DYRK1A: variants seen among roughly 807,000 people sequenced by gnomAD.
The protein encoded by DYRK1A is dual specificity tyrosine phosphorylation regulated kinase 1A.
Under a neutral mutation model 79.7 loss-of-function variants are expected in DYRK1A, and 9 were observed. The observed-to-expected ratio is 0.11, with a 90% CI of 0.07 to 0.20. The LOEUF is 0.20. Ranked by LOEUF, DYRK1A falls within the 10% of genes least tolerant of loss-of-function variation. DYRK1A has a pLI of 1.00. For synonymous variants in DYRK1A, 349 were observed against 329.7 expected, an observed-to-expected ratio of 1.06 and a Z score of -0.63; for missense variants, 622 against 956.0, an observed-to-expected ratio of 0.65 and a Z score of 4.61.
At chr21:37,443,428 G>A (rs2051169365) in intron 2 of DYRK1A, among the ~76,000 whole-genome samples, 1 of 152,104 alleles carries the variant, frequency 6.6e-6, no homozygotes. Context: ...TGCGTACCTG[G>A]ACATTTTTTA....
At position 37,498,561 on chromosome 21, in the gene DYRK1A, T is replaced by C. The variant is rs1037721774; in HGVS notation, c.1212+2303T>C. 3.3e-5 allele frequency among the ~76,000 whole-genome samples: 5 copies of C among 152,224 alleles called. No individual in the cohort carries two copies. In the East Asian group the frequency reaches 9.6e-4, roughly 29 times the overall value. Reference sequence around the variant, plus strand: ...TTTTTTATTGCTTCAACATATTTCATTGAATGAACATGCCATAATTTATAT... The same window carrying C: ...TTTTTTATTGCTTCAACATATTTCACTGAATGAACATGCCATAATTTATAT... On this transcript the variant is annotated intron_variant, in intron 9 of 11. Coordinates refer to ENST00000647188, the MANE Select transcript of DYRK1A (RefSeq NM_001347721.2).
chr21:37,426,792 C>T (rs1256905372), intron 2 of DYRK1A, among the ~76,000 whole-genome samples: 2 of 148,566 alleles, frequency 1.3e-5, no homozygotes, highest in Non-Finnish European at 3.0e-5. Context: ...TGGTGGCGGG[C>T]ACCTTTAGTC....
chr21:37,378,242 T>C (rs2049587433), intron 1 of DYRK1A, among the ~76,000 whole-genome samples: 1 of 152,218 alleles, frequency 6.6e-6, no homozygotes, highest in Non-Finnish European at 1.5e-5. Context: ...AGTTAAAGTA[T>C]TTCCTGGGGG....
Position 37,480,763 on chromosome 21 carries a change from C to T in DYRK1A, c.426C>T (p.Asn142=), listed in dbSNP as rs374444950. 29 of 1,611,314 alleles carry T rather than the reference C, an allele frequency of 1.8e-5. No homozygotes were observed. The highest frequency in any genetic ancestry group is 5.3e-5 in the African/African-American group (4 of 74,772). The change falls in exon 5 of 12, where the codon AAC becomes AAT. Residue 142 remains asparagine, a synonymous_variant. Coordinates refer to ENST00000647188, the MANE Select transcript of DYRK1A (RefSeq NM_001347721.2). ...ATAACTATGATTATATTGTAAAAAA[C>T]GGAGAAAAGTGGATGGATCGTTACG... The part of the protein sequence containing the change: ...DDDNYDYIVK[N]GEKWMDRYEI...
chr21:37,447,891 A>C (rs550236826), intron 2 of DYRK1A, among the ~76,000 whole-genome samples: 2 of 151,818 alleles, frequency 1.3e-5, no homozygotes, highest in Non-Finnish European at 3.0e-5. Flanking sequence ...AGTAAATGTG[A>C]ATTGTGGCGA....
chr21:37,389,425 C>A (rs112000785), intron 1 of DYRK1A, among the ~76,000 whole-genome samples: 2 of 152,278 alleles, frequency 1.3e-5, no homozygotes, highest in African/African-American at 4.8e-5. Context: ...CTTGGCCTCT[C>A]AAAGTGCTTG....
At chr21:37,393,330 T>C (rs948581523) in intron 1 of DYRK1A, among the ~76,000 whole-genome samples, 1 of 152,198 alleles carries the variant, frequency 6.6e-6, no homozygotes, top group African/African-American at 2.4e-5. Flanking sequence ...CTCCACTCTC[T>C]GTTTAGTTGG....
At chr21:37,398,666 G>C (rs2050002424) in intron 1 of DYRK1A, among the ~76,000 whole-genome samples, 1 of 152,158 alleles carries the variant, frequency 6.6e-6, no homozygotes, top group South Asian at 2.1e-4. Flanking sequence ...TTTGTACTTT[G>C]GCGATGTCAA....
chr21:37,443,097 T>A (rs1322044860), intron 2 of DYRK1A, among the ~76,000 whole-genome samples: 1 of 152,152 alleles, frequency 6.6e-6, no homozygotes, highest in East Asian at 1.9e-4. Flanking sequence ...GTGCTGAGAT[T>A]ACAGGTGTGA....
intron 2 of DYRK1A, among the ~76,000 whole-genome samples, chr21:37,438,166 C>T (rs2050982026): frequency 6.6e-6 from 1 of 152,006 alleles, no homozygotes; most frequent in Admixed American, 6.5e-5. Flanking sequence ...TTTTGTCATT[C>T]TTTTTTCGGT....
At chr21:37,390,957 C>G (rs760995433) in intron 1 of DYRK1A, among the ~76,000 whole-genome samples, 11 of 152,112 alleles carry the variant, frequency 7.2e-5, no homozygotes, top group Non-Finnish European at 1.0e-4. Context: ...GAATACAGAC[C>G]AGTGATTTTA....
At chr21:37,453,985 A>G (rs1023597569) in intron 2 of DYRK1A, among the ~76,000 whole-genome samples, 1 of 151,958 alleles carries the variant, frequency 6.6e-6, no homozygotes, top group Admixed American at 6.6e-5. Flanking sequence ...TTTGCAGTCA[A>G]TATAAAATAA....
intron 1 of DYRK1A, among the ~76,000 whole-genome samples, chr21:37,399,430 A>G (rs1350524282): frequency 6.6e-6 from 1 of 151,610 alleles, no homozygotes; most frequent in African/African-American, 2.4e-5. Context: ...TGCGGGAACC[A>G]TTCCTGCAGA....
rs1385295821 is a variant in DYRK1A at position 37,403,685 on chromosome 21, G to A, written c.-76-16614G>A. On this transcript the variant is annotated intron_variant, in intron 1 of 11. Coordinates refer to ENST00000647188, the MANE Select transcript of DYRK1A (RefSeq NM_001347721.2). Reference sequence around the variant, plus strand: ...TATATGTGTGTGTGTGTGTGTGTGTGTGTGTGTGTGTGTGTTCACCAGGCT... The same window carrying A: ...TATATGTGTGTGTGTGTGTGTGTGTATGTGTGTGTGTGTGTTCACCAGGCT... 4.9e-3 allele frequency among the ~76,000 whole-genome samples: 736 copies of A among 149,700 alleles called. 11 individuals are homozygous for A. The highest frequency in any genetic ancestry group is 9.0e-3 in the Non-Finnish European group (606 of 67,464).
chr21:37,423,877 CATAT>C (rs935708681), intron 2 of DYRK1A, among the ~76,000 whole-genome samples: 1 of 152,000 alleles, frequency 6.6e-6, no homozygotes. Context: ...TATATATACT[CATAT>C]ATATGAATTT....
At chr21:37,396,482 A>G (rs192244472) in intron 1 of DYRK1A, among the ~76,000 whole-genome samples, 7 of 152,122 alleles carry the variant, frequency 4.6e-5, no homozygotes, top group Admixed American at 3.3e-4. Flanking sequence ...ATGCTGGGGT[A>G]AATTATTTTT....
At chr21:37,450,291 T>G (rs2148499556) in intron 2 of DYRK1A, among the ~76,000 whole-genome samples, 1 of 152,328 alleles carries the variant, frequency 6.6e-6, no homozygotes, top group Admixed American at 6.5e-5. Context: ...TCATGAACTG[T>G]GAAGAGTGTT....
intron 5 of DYRK1A, among the ~76,000 whole-genome samples, chr21:37,484,329 CTT>C (rs35615588): frequency 1.7e-4 from 23 of 134,010 alleles, no homozygotes; most frequent in Admixed American, 1.5e-4. Flanking sequence ...CAATAGGTCC[CTT>C]TTTTTTTTTT....
intron 1 of DYRK1A, among the ~76,000 whole-genome samples, chr21:37,370,284 A>G (rs1264928463): frequency 2.6e-5 from 4 of 151,754 alleles, no homozygotes; most frequent in Admixed American, 6.6e-5. Context: ...TTTTCACTTG[A>G]AAACCTTTTT....
Sources: allele counts gnomAD v4.1 joint callset (sites outside exome capture counted in the v4.1 genomes callset), GRCh38; gene constraint gnomAD v4.1.1; transcripts MANE v1.5; gene names NCBI Gene and HGNC (gene_info 2026-07-23, HGNC 2026-07-21).